The following GALNTL6 variants were observed in gnomAD, a reference collection of about 807,000 sequenced individuals.
GALNTL6 encodes polypeptide N-acetylgalactosaminyltransferase-like 6.
Under a neutral mutation model 73.7 loss-of-function variants are expected in GALNTL6, and 46 were observed. The observed-to-expected ratio is 0.62, with a 90% CI of 0.49 to 0.80. The LOEUF is 0.80. Ranked by LOEUF, GALNTL6 falls within the 30% of genes least tolerant of loss-of-function variation. The probability of loss-of-function intolerance (pLI) is 0.00; values close to 1 mark genes in which losing one functional copy is unlikely to be tolerated. For missense variants in GALNTL6, 604 were observed against 755.0 expected (o/e 0.80, Z 2.34); for synonymous variants, 259 against 263.7 (o/e 0.98, Z 0.17).
intron 5 of GALNTL6, among the ~76,000 whole-genome samples, chr4:172,590,899 T>C (rs1737612399): frequency 6.6e-6 from 1 of 152,122 alleles, no homozygotes; most frequent in Admixed American, 6.6e-5. Flanking sequence ...GGGAAATCTA[T>C]GGTCTCTTGT....
At chr4:172,694,462 A>G (rs1006403729) in intron 5 of GALNTL6, among the ~76,000 whole-genome samples, 8 of 152,226 alleles carry the variant, frequency 5.3e-5, no homozygotes, top group African/African-American at 1.9e-4. Flanking sequence ...TTGTCCCTGC[A>G]AAGGACATGA....
At chr4:172,279,704 A>G (rs932264093) in intron 3 of GALNTL6, among the ~76,000 whole-genome samples, 2 of 152,176 alleles carry the variant, frequency 1.3e-5, no homozygotes, top group African/African-American at 4.8e-5. Context: ...ATTGCTATAT[A>G]ACCTAACAAT....
At chr4:172,464,881 A>T (rs1188395744) in intron 5 of GALNTL6, among the ~76,000 whole-genome samples, 1 of 152,128 alleles carries the variant, frequency 6.6e-6, no homozygotes, top group Non-Finnish European at 1.5e-5. Context: ...ATAATTTCAG[A>T]TTATTTTTCT....
intron 4 of GALNTL6, among the ~76,000 whole-genome samples, chr4:172,334,963 C>T (rs1284113382): frequency 6.7e-6 from 1 of 149,760 alleles, no homozygotes; most frequent in African/African-American, 2.4e-5. Context: ...TTTTCTTTGT[C>T]TATTGATATA....
Position 172,422,989 on chromosome 4 carries a change from AC to A in GALNTL6, c.553+74302del, listed in dbSNP as rs764893691. 4.0e-5 allele frequency among the ~76,000 whole-genome samples: 6 copies of A among 151,620 alleles called. No homozygotes were observed. The East Asian group carries it at 9.9e-4, about 25-fold the overall frequency. ...TTGTCTACCTCTGCAAATGAAGAAT[AC>A]CAAAGTATAGATATTTCTATACCTA... On this transcript the variant is annotated intron_variant, in intron 5 of 12. Coordinates refer to ENST00000506823, the MANE Select transcript of GALNTL6 (RefSeq NM_001034845.3).
At chr4:171,883,367 A>AT (rs1287238038) in intron 2 of GALNTL6, among the ~76,000 whole-genome samples, 1 of 152,130 alleles carries the variant, frequency 6.6e-6, no homozygotes, top group South Asian at 2.1e-4. Context: ...AAAAGTAAAA[A>AT]TAAAAGTAAA....
At chr4:172,955,259 C>T (rs1388406156) in intron 10 of GALNTL6, among the ~76,000 whole-genome samples, 1 of 152,072 alleles carries the variant, frequency 6.6e-6, no homozygotes, top group Admixed American at 6.6e-5. Context: ...GGGTGGATCA[C>T]CTGAGGTCAG....
chr4:171,909,176 G>GAAAAAAA (rs5864097), intron 2 of GALNTL6, among the ~76,000 whole-genome samples: 1 of 136,030 alleles, frequency 7.4e-6, no homozygotes, highest in African/African-American at 2.7e-5. Context: ...AAAGAAAAAA[G>GAAAAAAA]AAAAAAAAAA....
At chr4:172,669,630 A>G (rs1024099958) in intron 5 of GALNTL6, among the ~76,000 whole-genome samples, 2 of 152,106 alleles carry the variant, frequency 1.3e-5, no homozygotes, top group Non-Finnish European at 2.9e-5. Flanking sequence ...ATAAATGTCT[A>G]CTCAAGCCAT....
At chr4:172,241,830 T>C (rs2110994131) in intron 3 of GALNTL6, among the ~76,000 whole-genome samples, 1 of 152,228 alleles carries the variant, frequency 6.6e-6, no homozygotes, top group East Asian at 1.9e-4. Context: ...TTAACTAGTT[T>C]TATATTTTGT....
chr4:172,998,259 G>T (rs147424259), intron 10 of GALNTL6, among the ~76,000 whole-genome samples: 6 of 152,178 alleles, frequency 3.9e-5, no homozygotes, highest in Non-Finnish European at 8.8e-5. Context: ...AGCAAAAATG[G>T]TGTGATGGCT....
intron 5 of GALNTL6, among the ~76,000 whole-genome samples, chr4:172,746,533 T>A (rs528517222): frequency 6.6e-6 from 1 of 152,186 alleles, no homozygotes; most frequent in East Asian, 1.9e-4. Flanking sequence ...TTTGTAAAAA[T>A]TTCTCTATAT....
intron 2 of GALNTL6, among the ~76,000 whole-genome samples, chr4:172,161,086 A>G (rs1176577274): frequency 1.3e-5 from 2 of 151,938 alleles, no homozygotes; most frequent in Non-Finnish European, 2.9e-5. Context: ...TAGAGACAAT[A>G]TGGAAAGCCA....
intron 2 of GALNTL6, among the ~76,000 whole-genome samples, chr4:172,074,147 T>C (rs113845868): frequency 2.6e-5 from 4 of 152,226 alleles, no homozygotes; most frequent in Admixed American, 1.3e-4. Context: ...AATACTTTTA[T>C]ATTCCTCCTT....
intron 5 of GALNTL6, among the ~76,000 whole-genome samples, chr4:172,533,514 AG>A (rs879525842): frequency 1.3e-5 from 2 of 150,538 alleles, no homozygotes; most frequent in African/African-American, 2.4e-5. Flanking sequence ...TAGTAGAGAC[AG>A]GGTTTCACCA....
At chr4:172,907,151 A>C (rs1486539101) in intron 8 of GALNTL6, among the ~76,000 whole-genome samples, 1 of 151,796 alleles carries the variant, frequency 6.6e-6, no homozygotes, top group Non-Finnish European at 1.5e-5. Flanking sequence ...AAAAAAAAGC[A>C]CCAAACCCCA....
At chr4:171,823,456 T>G (rs2110808350) in intron 2 of GALNTL6, among the ~76,000 whole-genome samples, 1 of 152,120 alleles carries the variant, frequency 6.6e-6, no homozygotes, top group East Asian at 1.9e-4. Flanking sequence ...ATAGTTTGAA[T>G]GTTTCTCCTG....
intron 5 of GALNTL6, among the ~76,000 whole-genome samples, chr4:172,547,872 T>A (rs2110891865): frequency 6.6e-6 from 1 of 152,262 alleles, no homozygotes; most frequent in South Asian, 2.1e-4. Flanking sequence ...AGCTAATCTG[T>A]CATTCTCAAG....
chr4:172,253,706 C>A (rs757110908), intron 3 of GALNTL6, among the ~76,000 whole-genome samples: 1 of 151,904 alleles, frequency 6.6e-6, no homozygotes, highest in South Asian at 2.1e-4. Context: ...TTCCTTTTCT[C>A]TGGGACTCCA....
Sources: allele counts gnomAD v4.1 joint callset (sites outside exome capture counted in the v4.1 genomes callset), GRCh38; gene constraint gnomAD v4.1.1; transcripts MANE v1.5; gene names NCBI Gene and HGNC (gene_info 2026-07-23, HGNC 2026-07-21).